Variants in SOS2 observed in about 807,000 individuals in gnomAD.
The protein encoded by SOS2 is son of sevenless homolog 2.
SOS2 carries 65 observed loss-of-function variants against 148.2 expected under a neutral mutation model. The observed-to-expected ratio is 0.44, with a 90% CI of 0.36 to 0.54. The LOEUF is 0.54. SOS2 is among the 20% of genes least tolerant of loss of function. SOS2 has a pLI of 0.00. For synonymous variants in SOS2, 539 were observed against 537.1 expected, an observed-to-expected ratio of 1.00 and a Z score of -0.05; for missense variants, 1,341 against 1,590.2, an observed-to-expected ratio of 0.84 and a Z score of 2.67.
intron 21 of SOS2, among the ~76,000 whole-genome samples, chr14:50,121,947 A>C (rs937639131): frequency 3.9e-5 from 6 of 152,184 alleles, no homozygotes; most frequent in Admixed American, 1.3e-4. Flanking sequence ...CCCCAATTCA[A>C]GGCAAGGAAT....
chr14:50,132,155 G>C (rs1883894916), intron 19 of SOS2, among the ~76,000 whole-genome samples: 1 of 151,994 alleles, frequency 6.6e-6, no homozygotes, highest in Non-Finnish European at 1.5e-5. Flanking sequence ...TGAAGACAAA[G>C]CACAATCAAA....
chr14:50,230,570 T>C (rs1017183917), intron 1 of SOS2, among the ~76,000 whole-genome samples: 1 of 152,202 alleles, frequency 6.6e-6, no homozygotes, highest in Non-Finnish European at 1.5e-5. Flanking sequence ...TAAATCGCAA[T>C]TTGGTCGTGA....
intron 2 of SOS2, 68 bp downstream of exon 2, chr14:50,204,216 G>T: frequency 1.1e-6 from 1 of 907,896 alleles, no homozygotes; most frequent in Non-Finnish European, 1.6e-6. Context: ...AAATTAGAAT[G>T]ATATAGATAC....
chr14:50,163,975 A>G (rs1194782736), intron 8 of SOS2, among the ~76,000 whole-genome samples: 1 of 152,150 alleles, frequency 6.6e-6, no homozygotes, highest in Non-Finnish European at 1.5e-5. Context: ...TTAGAGTGGG[A>G]TTTCCTGGTA....
intron 5 of SOS2, among the ~76,000 whole-genome samples, chr14:50,185,502 G>C (rs1379631577): frequency 1.3e-5 from 2 of 151,986 alleles, no homozygotes; most frequent in African/African-American, 4.8e-5. Flanking sequence ...GACCAGCCTG[G>C]CCAACATGGC....
chr14:50,188,142 C>T (rs1272569607), intron 5 of SOS2, among the ~76,000 whole-genome samples: 3 of 152,114 alleles, frequency 2.0e-5, no homozygotes, highest in Admixed American at 6.5e-5. Flanking sequence ...GTGGATCATG[C>T]GTATAATCCC....
intron 13 of SOS2, among the ~76,000 whole-genome samples, chr14:50,152,245 C>A (rs1290016509): frequency 6.6e-6 from 1 of 152,060 alleles, no homozygotes; most frequent in African/African-American, 2.4e-5. Context: ...CAATAATATA[C>A]ATTTGATGAC....
chr14:50,161,190 G>A (rs938923985), intron 9 of SOS2, among the ~76,000 whole-genome samples: 2 of 150,960 alleles, frequency 1.3e-5, no homozygotes, highest in Admixed American at 6.6e-5. Flanking sequence ...TTACTTGGGA[G>A]GCGAAGGCAG....
chr14:50,214,403 G>A (rs1025543556), intron 1 of SOS2, among the ~76,000 whole-genome samples: 1 of 151,968 alleles, frequency 6.6e-6, no homozygotes, highest in South Asian at 2.1e-4. Flanking sequence ...AGGTTTTGGA[G>A]AAATAAATAT....
intron 5 of SOS2, among the ~76,000 whole-genome samples, chr14:50,183,538 G>T (rs979246360): frequency 1.1e-4 from 17 of 152,030 alleles, no homozygotes; most frequent in Admixed American, 5.9e-4. Context: ...ACAAAATATA[G>T]ATTCTAGATA....
chr14:50,131,077 A>G (rs1314892204), intron 19 of SOS2, among the ~76,000 whole-genome samples: 2 of 152,198 alleles, frequency 1.3e-5, no homozygotes, highest in Non-Finnish European at 2.9e-5. Context: ...AAATATCTAT[A>G]TAGATTTTAC....
chr14:50,170,733 A>G (rs910626958), intron 8 of SOS2, among the ~76,000 whole-genome samples: 1 of 152,006 alleles, frequency 6.6e-6, no homozygotes, highest in African/African-American at 2.4e-5. Context: ...AAAGATACTC[A>G]ACATTACTAG....
chr14:50,164,299 G>C (rs1481355582), intron 8 of SOS2, among the ~76,000 whole-genome samples: 1 of 152,004 alleles, frequency 6.6e-6, no homozygotes, highest in African/African-American at 2.4e-5. Flanking sequence ...AATTAGCCGG[G>C]CGTGGTGATG....
chr14:50,142,381 C>A (rs377556024), intron 16 of SOS2, among the ~76,000 whole-genome samples: 4 of 152,138 alleles, frequency 2.6e-5, no homozygotes, highest in African/African-American at 9.6e-5. Flanking sequence ...AATGCAAACA[C>A]CCAAACAGAA....
At position 50,129,992 on chromosome 14, in the gene SOS2, G is replaced by T; in HGVS notation, c.3348C>A (p.Ser1116Arg). 1 of 1,591,004 alleles carries T rather than the reference G, an allele frequency of 6.3e-7. No individual in the cohort carries two copies. The highest frequency in any genetic ancestry group is 8.6e-7 in the Non-Finnish European group (1 of 1,162,978). ...VDLNSSCGSN[S>R]IFAPVLLPHS... Reference sequence around the variant, plus strand: ...GTGGCAAAAGCACTGGAGCAAAGATGCTATTGCTGCCTATTGGAATAAGAA... The same window carrying T: ...GTGGCAAAAGCACTGGAGCAAAGATTCTATTGCTGCCTATTGGAATAAGAA... The change falls in exon 21 of 23, where the codon AGC (serine) becomes AGA (arginine). Residue 1116 changes from serine to arginine, a missense_variant. By Grantham distance (110) the Ser-to-Arg change is moderately radical. Coordinates refer to ENST00000216373, the MANE Select transcript of SOS2 (RefSeq NM_006939.4).
intron 4 of SOS2, among the ~76,000 whole-genome samples, chr14:50,188,924 C>T (rs964925879): frequency 3.3e-5 from 5 of 151,676 alleles, no homozygotes; most frequent in African/African-American, 2.4e-5. Flanking sequence ...ATTAGCCAGG[C>T]GTCATGGTAG....
chr14:50,219,520 C>T (rs573993392), intron 1 of SOS2, among the ~76,000 whole-genome samples: 2 of 152,062 alleles, frequency 1.3e-5, no homozygotes, highest in Non-Finnish European at 2.9e-5. Context: ...TGGGATGTCT[C>T]CTGAGAGTGG....
intron 5 of SOS2, among the ~76,000 whole-genome samples, chr14:50,184,595 T>C (rs760068808): frequency 1.3e-5 from 2 of 151,566 alleles, no homozygotes; most frequent in Non-Finnish European, 2.9e-5. Flanking sequence ...AACTGACTCA[T>C]GAGAAAAAGA....
chr14:50,152,644 A>T lies in SOS2; in HGVS notation c.2161+426T>A, dbSNP rs182361321. On this transcript the variant is annotated intron_variant, in intron 13 of 22. Coordinates refer to ENST00000216373, the MANE Select transcript of SOS2 (RefSeq NM_006939.4). ...GTCTATAAAAAACATTCCAAATGTTATTTCAGCTTTTTAAAAATGAAAAAT... is the reference window on the plus strand; with the variant it reads ...GTCTATAAAAAACATTCCAAATGTTTTTTCAGCTTTTTAAAAATGAAAAAT... 2.7e-3 allele frequency among the ~76,000 whole-genome samples: 414 copies of T among 152,308 alleles called. 4 individuals are homozygous for T. The highest frequency in any genetic ancestry group is 4.0e-3 in the Non-Finnish European group (272 of 68,016).
Sources: gnomAD v4.1 joint callset for allele counts (sites outside exome capture counted in the v4.1 genomes callset) on GRCh38, gnomAD v4.1.1 for gene constraint, MANE v1.5 for transcripts, NCBI Gene and HGNC (gene_info 2026-07-23, HGNC 2026-07-21) for gene names.